Variants in OSBPL9 observed in about 807,000 individuals in gnomAD.
OSBPL9 encodes oxysterol-binding protein-related protein 9.
A neutral mutation model predicts 106.6 loss-of-function variants in OSBPL9; 40 were observed. The observed-to-expected ratio is 0.38, with a 90% CI of 0.29 to 0.49. The LOEUF (loss-of-function observed/expected upper bound fraction) is 0.49, where lower values mean the gene tolerates loss of function less well. OSBPL9 is among the 20% of genes least tolerant of loss of function. OSBPL9 has a pLI of 0.97. For synonymous variants in OSBPL9, 269 were observed against 295.4 expected (o/e 0.91, Z 0.92); for missense variants, 609 against 887.2 (o/e 0.69, Z 3.98).
the OSBPL9 span, among the ~76,000 whole-genome samples, chr1:51,530,170 C>CAAAAAAAAAAAAAAAAAAAAAAAA: frequency 1.2e-3 from 13 of 11,030 alleles, no homozygotes; most frequent in Non-Finnish European, 1.6e-3. Context: ...GACTCTGTCT[C>CAAAAAAAAAAAAAAAAAAAAAAAA]AAAAAAAAAA....
At chr1:51,530,185 A>C in the OSBPL9 span, among the ~76,000 whole-genome samples, 2,386 of 101,692 alleles carry the variant, frequency 0.023, 347 homozygotes, top group East Asian at 0.34. Context: ...AAAAAAAAAA[A>C]AAAAAAACAA....
intron 12 of OSBPL9, among the ~76,000 whole-genome samples, chr1:51,767,874 G>A (rs1672910709): frequency 1.3e-5 from 2 of 149,604 alleles, no homozygotes; most frequent in Admixed American, 6.6e-5. Flanking sequence ...GAAAATGAAA[G>A]GTTATTATTA....
the OSBPL9 span, among the ~76,000 whole-genome samples, chr1:51,533,845 C>CTTTTTTTTTTTTTTTTTTTTTTT: frequency 8.6e-6 from 1 of 116,328 alleles, no homozygotes; most frequent in Non-Finnish European, 1.8e-5. Context: ...TTTTTTCTTT[C>CTTTTTTTTTTTTTTTTTTTTTTT]TTTTTTTTTT....
chr1:51,611,931 C>A (rs1463693560), intron 2 of OSBPL9, among the ~76,000 whole-genome samples: 1 of 152,142 alleles, frequency 6.6e-6, no homozygotes, highest in African/African-American at 2.4e-5. Context: ...GCTGAGATGG[C>A]GCTACTGCAC....
At chr1:51,590,471 T>G (rs534341700) in intron 1 of OSBPL9, among the ~76,000 whole-genome samples, 4 of 151,626 alleles carry the variant, frequency 2.6e-5, no homozygotes, top group African/African-American at 9.7e-5. Flanking sequence ...ATACAAAAAA[T>G]TAGCCGGGCG....
the OSBPL9 span, among the ~76,000 whole-genome samples, chr1:51,519,794 C>G: frequency 6.6e-6 from 1 of 152,162 alleles, no homozygotes; most frequent in Non-Finnish European, 1.5e-5. Context: ...AATTATATAG[C>G]TGAATTAGAA....
chr1:51,604,413 A>C (rs914594178), intron 2 of OSBPL9, among the ~76,000 whole-genome samples: 2 of 151,678 alleles, frequency 1.3e-5, no homozygotes, highest in African/African-American at 4.8e-5. Context: ...AAAATCAGCC[A>C]GGCATGGTGG....
intron 2 of OSBPL9, among the ~76,000 whole-genome samples, chr1:51,667,056 C>T (rs1485290665): frequency 6.6e-6 from 1 of 152,154 alleles, no homozygotes; most frequent in Non-Finnish European, 1.5e-5. Context: ...TGAGCACAGC[C>T]TGTGGTAATG....
intron 4 of OSBPL9, among the ~76,000 whole-genome samples, chr1:51,743,812 A>G (rs956347466): frequency 1.3e-5 from 2 of 152,218 alleles, no homozygotes; most frequent in Admixed American, 6.5e-5. Context: ...TCTAATATCT[A>G]TGAAATATGA....
intron 1 of OSBPL9, among the ~76,000 whole-genome samples, chr1:51,590,204 TTA>T (rs1429839264): frequency 6.6e-6 from 1 of 151,944 alleles, no homozygotes; most frequent in East Asian, 1.9e-4. Flanking sequence ...ATTCTGAAAT[TTA>T]TATGAGAAAA....
chr1:51,786,335 G>A, intron 21 of OSBPL9, 191 bp from the exon 22 acceptor site: 1 of 528,000 alleles, frequency 1.9e-6, no homozygotes, highest in Non-Finnish European at 3.4e-6. Context: ...TTCCTTCAAA[G>A]AACTTGCACT....
chr1:51,568,086 T>C, the OSBPL9 span, among the ~76,000 whole-genome samples: 1 of 152,210 alleles, frequency 6.6e-6, no homozygotes, highest in East Asian at 1.9e-4. Context: ...AACAATGGGG[T>C]TCTACCCCTA....
At chr1:51,755,090 A>T (rs551280010) in intron 8 of OSBPL9, among the ~76,000 whole-genome samples, 24 of 151,966 alleles carry the variant, frequency 1.6e-4, no homozygotes, top group African/African-American at 5.5e-4. Context: ...TACAGGCATG[A>T]CTCTTTCTCT....
intron 1 of OSBPL9, among the ~76,000 whole-genome samples, chr1:51,626,472 C>T (rs1395667039): frequency 2.0e-5 from 3 of 151,848 alleles, no homozygotes; most frequent in African/African-American, 7.3e-5. Context: ...CAGTTGTAAT[C>T]ATTTTATACA....
intron 3 of OSBPL9, among the ~76,000 whole-genome samples, chr1:51,701,424 T>C (rs979332406): frequency 4.6e-5 from 7 of 152,218 alleles, no homozygotes; most frequent in Non-Finnish European, 1.5e-5. Flanking sequence ...TAGTTCAACA[T>C]CACAAGGTTT....
At chr1:51,574,597 C>T (rs529141203), upstream of OSBPL9, among the ~76,000 whole-genome samples, 22 of 151,770 alleles carry the variant, frequency 1.4e-4, no homozygotes, top group African/African-American at 3.4e-4. Flanking sequence ...CCAGCCTGTG[C>T]GACAGAGCGA....
the OSBPL9 span, among the ~76,000 whole-genome samples, chr1:51,556,146 A>G: frequency 6.6e-6 from 1 of 152,146 alleles, no homozygotes; most frequent in Non-Finnish European, 1.5e-5. Flanking sequence ...TAACTCCCTG[A>G]CAGTAATTTC....
At chr1:51,775,356 G>A (rs775254634) in intron 14 of OSBPL9, among the ~76,000 whole-genome samples, 10 of 145,272 alleles carry the variant, frequency 6.9e-5, no homozygotes, top group South Asian at 4.4e-4. Flanking sequence ...TTTTTCTCCC[G>A]TCTCCATGTC....
chr1:51,690,267 T>C (rs1000884119), intron 3 of OSBPL9, among the ~76,000 whole-genome samples: 2 of 152,206 alleles, frequency 1.3e-5, no homozygotes, highest in Admixed American at 6.5e-5. Flanking sequence ...AAGCATGTGA[T>C]TTTAGAATGA....
Sources: gnomAD v4.1 joint callset for allele counts (sites outside exome capture counted in the v4.1 genomes callset) on GRCh38, gnomAD v4.1.1 for gene constraint, MANE v1.5 for transcripts, NCBI Gene and HGNC (gene_info 2026-07-23, HGNC 2026-07-21) for gene names.